The following KGD4 variants were observed in gnomAD, a reference collection of about 807,000 sequenced individuals.
KGD4 encodes the protein alpha-ketoglutarate dehydrogenase subunit 4.
chr5:69,220,398 G>A, the KGD4 span, among the ~76,000 whole-genome samples: 1 of 152,050 alleles, frequency 6.6e-6, no homozygotes, highest in African/African-American at 2.4e-5. Flanking sequence ...GCTCACACCT[G>A]TACTCCCAAC....
At chr5:69,220,825 T>C in the KGD4 span, among the ~76,000 whole-genome samples, 8 of 152,166 alleles carry the variant, frequency 5.3e-5, no homozygotes, top group Non-Finnish European at 1.0e-4. Flanking sequence ...GGAGACTCCA[T>C]TTTGTTCTGT....
the KGD4 span, among the ~76,000 whole-genome samples, chr5:69,218,870 T>C: frequency 6.6e-6 from 1 of 152,194 alleles, no homozygotes; most frequent in Non-Finnish European, 1.5e-5. Context: ...TCCTTACTTA[T>C]TCAGTAGGTA....
At chr5:69,227,272 A>T in the KGD4 span, among the ~76,000 whole-genome samples, 3 of 152,138 alleles carry the variant, frequency 2.0e-5, no homozygotes, top group South Asian at 6.2e-4. Flanking sequence ...ATTCTCTCCT[A>T]TCCTTTAGAA....
chr5:69,220,048 A>T, the KGD4 span, among the ~76,000 whole-genome samples: 2 of 152,082 alleles, frequency 1.3e-5, no homozygotes, highest in Non-Finnish European at 2.9e-5. Context: ...TGGGCAAAAT[A>T]GCAAGACCCC....
the KGD4 span, chr5:69,228,538 A>G: frequency 1.4e-6 from 1 of 692,654 alleles, no homozygotes. Flanking sequence ...CAAGACTATG[A>G]GAAAGAAACC....
chr5:69,229,892 G>T, the KGD4 span: 8 of 151,794 alleles, frequency 5.3e-5, no homozygotes, highest in African/African-American at 1.9e-4. Flanking sequence ...TAGGAATAAA[G>T]ATTTCACTAG....
the KGD4 span, among the ~76,000 whole-genome samples, chr5:69,218,470 A>ATGTGTGTGTGTGTGTGTGTGTGTGTG: frequency 2.0e-4 from 29 of 148,632 alleles, no homozygotes; most frequent in African/African-American, 6.2e-4. Flanking sequence ...GTGTATATTA[A>ATGTGTGTGTGTGTGTGTGTGTGTGTG]TGTGTGTGTG....
the KGD4 span, among the ~76,000 whole-genome samples, chr5:69,223,989 C>T: frequency 6.9e-6 from 1 of 145,678 alleles, no homozygotes; most frequent in African/African-American, 2.6e-5. Flanking sequence ...GCCATGATTG[C>T]GGCACTGTAC....
the KGD4 span, chr5:69,229,564 A>G: frequency 1.1e-5 from 2 of 186,492 alleles, no homozygotes; most frequent in African/African-American, 4.7e-5. Context: ...CCATAATTTC[A>G]CTTTACTTTC....
At chr5:69,229,432 C>T in the KGD4 span, 1 of 450,486 alleles carries the variant, frequency 2.2e-6, no homozygotes, top group East Asian at 3.6e-5. Context: ...TGTTTATATA[C>T]TTTATACTTA....
the KGD4 span, among the ~76,000 whole-genome samples, chr5:69,223,074 C>CTTT: frequency 3.9e-4 from 23 of 59,120 alleles, 2 homozygotes; most frequent in African/African-American, 6.6e-4. Flanking sequence ...CGGTGCGCAG[C>CTTT]TTTTTTTTTT....
chr5:69,224,031 TAAAA>T, the KGD4 span, among the ~76,000 whole-genome samples: 2 of 115,008 alleles, frequency 1.7e-5, no homozygotes. Context: ...AGACTCTGTC[TAAAA>T]AAAAAAAAAA....
the KGD4 span, among the ~76,000 whole-genome samples, chr5:69,219,378 A>C: frequency 1.3e-5 from 2 of 152,196 alleles, no homozygotes; most frequent in African/African-American, 4.8e-5. Flanking sequence ...TCCAGAGCTG[A>C]GGGGTTCCAG....
the KGD4 span, chr5:69,229,188 C>G: frequency 2.2e-5 from 35 of 1,607,554 alleles, no homozygotes; most frequent in South Asian, 3.3e-5. Flanking sequence ...AATCTTACTG[C>G]TTTATTTTTT....
chr5:69,228,268 A>G, the KGD4 span: 2 of 1,610,766 alleles, frequency 1.2e-6, no homozygotes, highest in Non-Finnish European at 1.7e-6. Context: ...TTCTAAAGGA[A>G]GTAAATCACC....
the KGD4 span, chr5:69,217,815 C>T: frequency 2.5e-6 from 4 of 1,613,784 alleles, no homozygotes; most frequent in African/African-American, 1.3e-5. Flanking sequence ...CGGAAACTGC[C>T]CCTTCTCGGG....
At chr5:69,220,886 C>T in the KGD4 span, among the ~76,000 whole-genome samples, 1 of 152,126 alleles carries the variant, frequency 6.6e-6, no homozygotes, top group African/African-American at 2.4e-5. Flanking sequence ...TAACCTTACC[C>T]CCAACCCCGT....
At chr5:69,224,220 A>G in the KGD4 span, among the ~76,000 whole-genome samples, 13 of 151,766 alleles carry the variant, frequency 8.6e-5, no homozygotes, top group Middle Eastern at 3.4e-3. Context: ...GGGAAACTCC[A>G]TATCTACTAA....
chr5:69,219,433 T>C, the KGD4 span, among the ~76,000 whole-genome samples: 1 of 152,140 alleles, frequency 6.6e-6, no homozygotes, highest in Non-Finnish European at 1.5e-5. Flanking sequence ...GTACTATATA[T>C]ACTGCCATGG....
Sources: allele counts gnomAD v4.1 joint callset (sites outside exome capture counted in the v4.1 genomes callset), GRCh38; gene constraint gnomAD v4.1.1; transcripts MANE v1.5; gene names NCBI Gene and HGNC (gene_info 2026-07-23, HGNC 2026-07-21).